ANKRD44: variants seen among roughly 807,000 people sequenced by gnomAD.
ANKRD44 encodes the protein serine/threonine-protein phosphatase 6 regulatory ankyrin repeat subunit B.
A neutral mutation model predicts 116.0 loss-of-function variants in ANKRD44; 35 were observed. The observed-to-expected ratio is 0.30, with a 90% confidence interval of 0.23 to 0.40. ANKRD44 has a LOEUF of 0.40. Ranked by LOEUF, ANKRD44 falls within the 10% of genes least tolerant of loss-of-function variation. ANKRD44 has a pLI of 1.00. For synonymous variants in ANKRD44, 435 were observed against 461.8 expected (o/e 0.94, Z 0.74); for missense variants, 1,014 against 1,242.6 (o/e 0.82, Z 2.77).
At chr2:197,049,580 C>T (rs117561426) in intron 16 of ANKRD44, among the ~76,000 whole-genome samples, 370 of 152,094 alleles carry the variant, frequency 2.4e-3, no homozygotes, top group East Asian at 0.015. Context: ...AGCAAATATG[C>T]CTCATATTTT....
At chr2:197,037,252 T>C (rs914295262) in intron 16 of ANKRD44, among the ~76,000 whole-genome samples, 6 of 152,252 alleles carry the variant, frequency 3.9e-5, no homozygotes, top group African/African-American at 7.2e-5. Context: ...TAAATTTCTA[T>C]TGAAAAGTGA....
intron 2 of ANKRD44, among the ~76,000 whole-genome samples, chr2:197,184,730 G>A (rs1216095419): frequency 6.6e-6 from 1 of 151,666 alleles, no homozygotes; most frequent in Non-Finnish European, 1.5e-5. Flanking sequence ...AACCCCTGTG[G>A]TGATCTTAGA....
intron 1 of ANKRD44, among the ~76,000 whole-genome samples, chr2:197,238,112 C>T (rs1400692183): frequency 6.6e-6 from 1 of 152,204 alleles, no homozygotes; most frequent in African/African-American, 2.4e-5. Flanking sequence ...GCTTCCTGTG[C>T]TCATGTCACA....
chr2:197,094,773 T>C (rs1032005500), intron 10 of ANKRD44, among the ~76,000 whole-genome samples: 1 of 152,234 alleles, frequency 6.6e-6, no homozygotes, highest in Non-Finnish European at 1.5e-5. Flanking sequence ...ATTTTATCTA[T>C]GCAATTCCAA....
At chr2:197,021,826 T>C (rs978638408) in intron 17 of ANKRD44, among the ~76,000 whole-genome samples, 6 of 152,230 alleles carry the variant, frequency 3.9e-5, no homozygotes, top group Admixed American at 3.3e-4. Flanking sequence ...TTAAACGTGA[T>C]TAATTTCTCC....
At chr2:197,085,592 C>A (rs2077901696) in intron 13 of ANKRD44, among the ~76,000 whole-genome samples, 2 of 152,192 alleles carry the variant, frequency 1.3e-5, no homozygotes, top group Admixed American at 6.5e-5. Context: ...TGGTCATCCT[C>A]ACTGCTACAC....
intron 23 of ANKRD44, among the ~76,000 whole-genome samples, chr2:196,999,755 G>A (rs193186398): frequency 4.0e-4 from 61 of 151,842 alleles, no homozygotes; most frequent in Non-Finnish European, 7.5e-4. Context: ...CACCACACCC[G>A]GCTAATTTTT....
intron 16 of ANKRD44, among the ~76,000 whole-genome samples, chr2:197,061,325 G>C (rs1358259896): frequency 6.6e-6 from 1 of 152,170 alleles, no homozygotes; most frequent in Non-Finnish European, 1.5e-5. Context: ...GGTCTGAGTT[G>C]TCGGGTGGGG....
intron 21 of ANKRD44, among the ~76,000 whole-genome samples, chr2:197,002,289 TG>T (rs1385242136): frequency 6.6e-6 from 1 of 152,210 alleles, no homozygotes; most frequent in Non-Finnish European, 1.5e-5. Flanking sequence ...ATAATGCATG[TG>T]AAAATTGACT....
intron 10 of ANKRD44, 138 bp from the exon 11 acceptor site, chr2:197,090,170 T>A: frequency 1.6e-6 from 1 of 623,092 alleles, no homozygotes; most frequent in Non-Finnish European, 2.8e-6. Flanking sequence ...ATTTGGTAAT[T>A]CTTCCATTCA....
chr2:197,190,162 G>T (rs2080788671), intron 1 of ANKRD44, among the ~76,000 whole-genome samples: 1 of 152,120 alleles, frequency 6.6e-6, no homozygotes, highest in South Asian at 2.1e-4. Context: ...TCACATATAT[G>T]CATACATATG....
intron 1 of ANKRD44, among the ~76,000 whole-genome samples, chr2:197,272,210 ATTGTT>A (rs2105782764): frequency 6.6e-6 from 1 of 152,044 alleles, no homozygotes; most frequent in Admixed American, 6.5e-5. Context: ...ATAAATTTCT[ATTGTT>A]TTATTTGTTT....
intron 4 of ANKRD44, among the ~76,000 whole-genome samples, chr2:197,129,319 A>G (rs2079046780): frequency 6.6e-6 from 1 of 152,080 alleles, no homozygotes; most frequent in Non-Finnish European, 1.5e-5. Context: ...TATTTTTAGT[A>G]GAGACAAGGT....
intron 1 of ANKRD44, among the ~76,000 whole-genome samples, chr2:197,209,425 G>A (rs963831632): frequency 7.9e-5 from 12 of 152,304 alleles, no homozygotes; most frequent in Middle Eastern, 3.4e-3. Flanking sequence ...GATGGGAGTC[G>A]GAGAAAGGCC....
intron 1 of ANKRD44, among the ~76,000 whole-genome samples, chr2:197,235,342 C>A (rs1395094570): frequency 2.0e-5 from 3 of 152,112 alleles, no homozygotes; most frequent in Admixed American, 1.3e-4. Flanking sequence ...TCCAGCCAGG[C>A]ACGGTGGCTC....
In ANKRD44 at chr2:197,201,627, C is replaced by T. The variant is rs2081093721; in HGVS notation, c.28-14521G>A. Among the ~76,000 whole-genome samples the T allele has an allele frequency of 6.6e-6, 1 of 152,202 alleles. No homozygotes were observed. The highest frequency in any genetic ancestry group is 6.5e-5 in the Admixed American group (1 of 15,282). ...TCTAGATTTGGGAATCTGCACTGCACACCTTATGTCAAAACTCAGAGCTGT... is the reference window on the plus strand; with the variant it reads ...TCTAGATTTGGGAATCTGCACTGCATACCTTATGTCAAAACTCAGAGCTGT... On this transcript the variant is annotated intron_variant, in intron 1 of 27. Transcript: ENST00000282272. This position sits in a 1 kb window ranked among gnomAD's most constrained non-coding sequence, Gnocchi z 4.0.
chr2:197,179,661 T>C (rs1394751340), intron 2 of ANKRD44, among the ~76,000 whole-genome samples: 2 of 152,338 alleles, frequency 1.3e-5, no homozygotes, highest in South Asian at 2.1e-4. Flanking sequence ...ACAAATCATA[T>C]ACCATTATAA....
At chr2:197,111,469 T>C (rs1182876527) in intron 8 of ANKRD44, among the ~76,000 whole-genome samples, 1 of 152,046 alleles carries the variant, frequency 6.6e-6, no homozygotes, top group East Asian at 1.9e-4. Flanking sequence ...TGAAACCCCA[T>C]CTCTACCAAA....
intron 1 of ANKRD44, among the ~76,000 whole-genome samples, chr2:197,245,078 T>C (rs962952046): frequency 1.3e-5 from 2 of 152,134 alleles, no homozygotes; most frequent in African/African-American, 2.4e-5. Context: ...CTGGCCAACA[T>C]GGTAAGACCC....
Sources: allele counts gnomAD v4.1 joint callset (sites outside exome capture counted in the v4.1 genomes callset), GRCh38; gene constraint gnomAD v4.1.1; non-coding constraint Gnocchi (gnomAD v3.1); transcripts MANE v1.5; gene names NCBI Gene and HGNC (gene_info 2026-07-23, HGNC 2026-07-21).